SLCO1B3: variants seen among roughly 807,000 people sequenced by gnomAD.
The protein encoded by SLCO1B3 is solute carrier organic anion transporter family member 1B3.
Under a neutral mutation model 71.8 loss-of-function variants are expected in SLCO1B3, and 72 were observed. The ratio of observed to expected loss-of-function variants is 1.00; its 90% CI spans 0.83 to 1.22. SLCO1B3 has a LOEUF of 1.22. Among genes scored for constraint, SLCO1B3 ranks in the 50% most tolerant of loss-of-function variants. SLCO1B3 has a pLI of 0.00. For missense variants in SLCO1B3, 911 were observed against 819.7 expected, an observed-to-expected ratio of 1.11 and a Z score of -1.36; for synonymous variants, 298 against 278.4, an observed-to-expected ratio of 1.07 and a Z score of -0.70.
At chr12:20,860,398 T>C (rs1166438011) in intron 5 of SLCO1B3, among the ~76,000 whole-genome samples, 1 of 152,216 alleles carries the variant, frequency 6.6e-6, no homozygotes, top group Non-Finnish European at 1.5e-5. Flanking sequence ...TTGATCTTCA[T>C]GTTTTATTTC....
intron 3 of SLCO1B3, among the ~76,000 whole-genome samples, chr12:20,846,691 G>T (rs1411121838): frequency 1.3e-5 from 2 of 152,124 alleles, no homozygotes; most frequent in Admixed American, 1.3e-4. Context: ...AGTCATGCAG[G>T]TGTAGTCAAG....
intron 3 of SLCO1B3, among the ~76,000 whole-genome samples, chr12:20,826,613 T>C (rs1388831976): frequency 1.3e-5 from 2 of 151,950 alleles, no homozygotes; most frequent in East Asian, 1.9e-4. Context: ...ATACAAATCA[T>C]GTATGATATG....
intron 3 of SLCO1B3, among the ~76,000 whole-genome samples, chr12:20,854,653 T>G (rs756007365): frequency 3.3e-5 from 5 of 152,244 alleles, no homozygotes; most frequent in Non-Finnish European, 7.3e-5. Context: ...TACTCCTGCA[T>G]GCACTGCCAT....
Position 20,820,331 on chromosome 12 carries a change from G to A in SLCO1B3, c.84+4509G>A, listed in dbSNP as rs999602218. ...AGAGCCTTGGGCCAGAGTTCCAGGG[G>A]CTCTGGGAGTGGCTGCCAGGTGAGT... On this transcript the variant is annotated intron_variant, in intron 3 of 15. Coordinates refer to ENST00000381545, the MANE Select transcript of SLCO1B3 (RefSeq NM_019844.4). Among the ~76,000 whole-genome samples, 27 of 152,154 alleles carry A rather than the reference G, an allele frequency of 1.8e-4. 1 individual carries two copies. Among genetic ancestry groups the A allele is most frequent in the African/African-American group, 6.3e-4 (26 of 41,436 alleles).
Position 20,823,370 on chromosome 12 carries a change from TGTA to T in SLCO1B3, c.84+7551_84+7553del, listed in dbSNP as rs1367967111. Among the ~76,000 whole-genome samples, 15 of 152,092 alleles carry T rather than the reference TGTA, an allele frequency of 9.9e-5. No individual in the cohort carries two copies. In the South Asian group the frequency reaches 2.5e-3, roughly 25 times the overall value. ...AAATTGAAAACATTATTTGGAGACTTGTAGTCAGGAAAAATTTTAGACTTTATT... is the reference window on the plus strand; with the variant it reads ...AAATTGAAAACATTATTTGGAGACTTGTCAGGAAAAATTTTAGACTTTATT... On this transcript the variant is annotated intron_variant, in intron 3 of 15. Transcript: ENST00000381545.
chr12:20,816,980 T>G (rs368117609), intron 3 of SLCO1B3, among the ~76,000 whole-genome samples: 127 of 152,356 alleles, frequency 8.3e-4, no homozygotes, highest in African/African-American at 3.0e-3. Flanking sequence ...CCTATGCCTG[T>G]GTGCTATTTG....
intron 15 of SLCO1B3, among the ~76,000 whole-genome samples, chr12:20,904,755 CTTTTTTTTTTTTTTT>C (rs775996155): frequency 2.1e-4 from 12 of 56,072 alleles, no homozygotes; most frequent in African/African-American, 8.9e-4. Flanking sequence ...GACATCCAGG[CTTTTTTTTTTTTTTT>C]TTTTTTTTTT....
At chr12:20,856,885 A>G (rs778838008) in intron 4 of SLCO1B3, among the ~76,000 whole-genome samples, 1 of 152,156 alleles carries the variant, frequency 6.6e-6, no homozygotes, top group Non-Finnish European at 1.5e-5. Context: ...TACCTAAAGG[A>G]CTTGAGCATC....
intron 8 of SLCO1B3, among the ~76,000 whole-genome samples, chr12:20,867,315 A>G (rs1333977556): frequency 6.6e-6 from 1 of 152,188 alleles, no homozygotes; most frequent in East Asian, 1.9e-4. Context: ...GTAAAAAGCC[A>G]CAAAAGCCTT....
chr12:20,903,924 G>T (rs12825129), intron 15 of SLCO1B3, among the ~76,000 whole-genome samples: 1 of 152,094 alleles, frequency 6.6e-6, no homozygotes, highest in Non-Finnish European at 1.5e-5. Flanking sequence ...TTCCACCTAT[G>T]AGCCTATTAA....
At chr12:20,871,127 G>T (rs952822759) in intron 8 of SLCO1B3, among the ~76,000 whole-genome samples, 2 of 152,138 alleles carry the variant, frequency 1.3e-5, no homozygotes, top group African/African-American at 2.4e-5. Flanking sequence ...ATTCATCAGA[G>T]AAATTGGCCT....
At chr12:20,856,626 G>A (rs192345698) in intron 4 of SLCO1B3, among the ~76,000 whole-genome samples, 124 of 152,218 alleles carry the variant, frequency 8.1e-4, no homozygotes, top group Admixed American at 2.2e-3. Flanking sequence ...GTGCCCTGAT[G>A]TCATCTCACA....
intron 15 of SLCO1B3, among the ~76,000 whole-genome samples, chr12:20,912,672 CA>C (rs1387175246): frequency 6.6e-6 from 1 of 151,632 alleles, no homozygotes; most frequent in East Asian, 1.9e-4. Context: ...TACAGGCCTG[CA>C]CCCCCACACG....
chr12:20,861,020 T>C lies in SLCO1B3; in HGVS notation c.363T>C (p.Tyr121=). ...TSLPHFFMGY[Y]RYSKETHINP... Reference sequence around the variant, plus strand: ...CAATTTCATGTTGCTCTTACAGTTATAGGTATTCTAAAGAAACCCATATTA... The same window carrying C: ...CAATTTCATGTTGCTCTTACAGTTACAGGTATTCTAAAGAAACCCATATTA... Residue 121 remains tyrosine, a synonymous_variant, in exon 6 of 16, where the codon TAT becomes TAC. Transcript: ENST00000381545. 2 of 1,576,128 alleles carry C rather than the reference T, an allele frequency of 1.3e-6. No individual in the cohort carries two copies. The highest frequency in any genetic ancestry group is 1.4e-5 in the African/African-American group (1 of 73,910).
intron 3 of SLCO1B3, among the ~76,000 whole-genome samples, chr12:20,840,212 T>C (rs1864766246): frequency 6.6e-6 from 1 of 152,150 alleles, no homozygotes; most frequent in South Asian, 2.1e-4. Context: ...AGGTGACTTG[T>C]AATATCTCCT....
At chr12:20,834,806 A>T (rs1864640424) in intron 3 of SLCO1B3, among the ~76,000 whole-genome samples, 1 of 152,060 alleles carries the variant, frequency 6.6e-6, no homozygotes, top group African/African-American at 2.4e-5. Context: ...GTGTCAGTGG[A>T]TCTACCATTC....
chr12:20,907,770 A>G (rs1369549065), intron 15 of SLCO1B3, among the ~76,000 whole-genome samples: 4 of 151,862 alleles, frequency 2.6e-5, no homozygotes, highest in South Asian at 4.2e-4. Flanking sequence ...CAGTCTCCCA[A>G]TGTGCTGGGA....
chr12:20,862,596 C>T, intron 7 of SLCO1B3, 38 bp downstream of exon 7: 1 of 1,543,806 alleles, frequency 6.5e-7, no homozygotes, highest in Non-Finnish European at 8.8e-7. Context: ...TGATTACATT[C>T]CCTGGATCTA....
chr12:20,843,127 G>A (rs1483008424), intron 3 of SLCO1B3, among the ~76,000 whole-genome samples: 2 of 152,132 alleles, frequency 1.3e-5, no homozygotes, highest in Admixed American at 6.5e-5. Context: ...ATGTTCTCAT[G>A]TTCTTTGATA....
Sources: allele counts gnomAD v4.1 joint callset (sites outside exome capture counted in the v4.1 genomes callset), GRCh38; gene constraint gnomAD v4.1.1; transcripts MANE v1.5; gene names NCBI Gene and HGNC (gene_info 2026-07-23, HGNC 2026-07-21).